The following GMDS variants were observed in gnomAD, a reference collection of about 807,000 sequenced individuals.
GMDS encodes GDP-mannose 4,6-dehydratase.
Under a neutral mutation model 49.9 loss-of-function variants are expected in GMDS, and 20 were observed. The observed-to-expected ratio is 0.40, with a 90% CI of 0.28 to 0.58. The LOEUF is 0.58. GMDS is among the 20% of genes least tolerant of loss of function. GMDS has a pLI of 0.42. For missense variants in GMDS, 362 were observed against 481.4 expected (o/e 0.75, Z 2.32); for synonymous variants, 177 against 178.6 (o/e 0.99, Z 0.07).
intron 7 of GMDS, among the ~76,000 whole-genome samples, chr6:1,880,223 G>A (rs1218088739): frequency 6.8e-6 from 1 of 147,592 alleles, no homozygotes; most frequent in African/African-American, 2.5e-5. Context: ...TGAGATGGGA[G>A]GACTGCTTGA....
intron 4 of GMDS, among the ~76,000 whole-genome samples, chr6:2,068,561 A>G (rs1268330230): frequency 1.3e-5 from 2 of 152,070 alleles, no homozygotes; most frequent in African/African-American, 2.4e-5. Flanking sequence ...AAGCAACTTC[A>G]GCAAAGTCTC....
chr6:1,794,551 C>T (rs1443373036), intron 7 of GMDS, among the ~76,000 whole-genome samples: 5 of 152,092 alleles, frequency 3.3e-5, no homozygotes, highest in African/African-American at 1.2e-4. Flanking sequence ...AATGTACTAG[C>T]CTTAGAGAAT....
At chr6:1,916,417 C>T (rs372289680) in intron 7 of GMDS, among the ~76,000 whole-genome samples, 15 of 151,730 alleles carry the variant, frequency 9.9e-5, no homozygotes, top group Non-Finnish European at 1.6e-4. Flanking sequence ...ATTCCTACCC[C>T]ACAATCTGTG....
intron 9 of GMDS, among the ~76,000 whole-genome samples, chr6:1,698,697 C>G (rs930227795): frequency 5.3e-5 from 8 of 152,082 alleles, no homozygotes; most frequent in Non-Finnish European, 7.4e-5. Flanking sequence ...TGGGGGCCAT[C>G]CGGCCCCAGT....
At position 2,171,548 on chromosome 6, in the gene GMDS, A is replaced by G. The variant is rs202111107; in HGVS notation, c.103-46817T>C. ...AACAAACACAGAATAAAGTCTGTCT[A>G]ATTTACCTATGTATCTCTAGGAAGC... is the stretch of plus-strand genomic sequence containing the variant. On this transcript the variant is annotated intron_variant, in intron 1 of 10. Coordinates refer to ENST00000380815, the MANE Select transcript of GMDS (RefSeq NM_001500.4). Among the ~76,000 whole-genome samples, 3 of 152,352 alleles carry G rather than the reference A, an allele frequency of 2.0e-5. No individual in the cohort carries two copies. The East Asian group carries it at 5.8e-4, about 29-fold the overall frequency.
At chr6:1,991,805 A>AT (rs1355552059) in intron 4 of GMDS, among the ~76,000 whole-genome samples, 3 of 152,162 alleles carry the variant, frequency 2.0e-5, no homozygotes, top group African/African-American at 7.2e-5. Flanking sequence ...TGCCGATGTA[A>AT]TTTGATAAGA....
chr6:2,219,095 T>TG (rs1277866187), intron 1 of GMDS, among the ~76,000 whole-genome samples: 5 of 151,868 alleles, frequency 3.3e-5, no homozygotes, highest in African/African-American at 1.2e-4. Flanking sequence ...AGACCCTGTG[T>TG]GAAAAACAAA....
In GMDS at chr6:1,960,821, T is replaced by C; in HGVS notation, c.491A>G (p.Glu164Gly). The change falls in exon 5 of 11, where the codon GAA becomes GGA. Residue 164 changes from glutamate (E) to glycine (G), a missense_variant. By Grantham distance (98) the Glu-to-Gly change is moderately conservative. Coordinates refer to ENST00000380815, the MANE Select transcript of GMDS (RefSeq NM_001500.4). ...STSELYGKVQEIPQKETTPFY... is the reference protein window; with the variant it reads ...STSELYGKVQGIPQKETTPFY... ...AGGGGTGGTCTCCTTCTGGGGTATT[T>C]CCTGCACTTTCCCATAAAGTTCACT... 1 of 1,610,888 alleles carries C rather than the reference T, an allele frequency of 6.2e-7. No individual in the cohort carries two copies. Among genetic ancestry groups the C allele is most frequent in the Non-Finnish European group, 8.5e-7 (1 of 1,177,382 alleles).
At chr6:1,652,397 TA>T (rs1305566322) in intron 9 of GMDS, among the ~76,000 whole-genome samples, 65 of 5,760 alleles carry the variant, frequency 0.011, 4 homozygotes, top group Non-Finnish European at 0.016. Flanking sequence ...ATATATTATA[TA>T]TATATATATA....
intron 7 of GMDS, among the ~76,000 whole-genome samples, chr6:1,837,906 G>A (rs1347296544): frequency 1.3e-5 from 2 of 152,128 alleles, no homozygotes; most frequent in South Asian, 2.1e-4. Context: ...AGGACTAGGG[G>A]GACACTGCTC....
intron 4 of GMDS, among the ~76,000 whole-genome samples, chr6:2,082,342 G>A (rs1370354863): frequency 2.6e-5 from 4 of 152,142 alleles, no homozygotes; most frequent in East Asian, 3.9e-4. Flanking sequence ...GAGGTACTGC[G>A]ACAGGGAGAC....
chr6:2,091,973 C>T (rs1361550503), intron 4 of GMDS, among the ~76,000 whole-genome samples: 1 of 151,974 alleles, frequency 6.6e-6, no homozygotes, highest in Non-Finnish European at 1.5e-5. Flanking sequence ...AAGGATAGGG[C>T]TATATGACCT....
At chr6:1,847,998 G>A (rs1757490222) in intron 7 of GMDS, among the ~76,000 whole-genome samples, 1 of 152,160 alleles carries the variant, frequency 6.6e-6, no homozygotes, top group African/African-American at 2.4e-5. Context: ...CAAACCATGG[G>A]TGCTGGAGAA....
chr6:2,123,399 C>G (rs762931069), intron 2 of GMDS, among the ~76,000 whole-genome samples: 1 of 152,186 alleles, frequency 6.6e-6, no homozygotes, highest in South Asian at 2.1e-4. Flanking sequence ...ACAAGTGCAG[C>G]GATTTCTGCT....
At chr6:1,670,184 G>A (rs941169025) in intron 9 of GMDS, among the ~76,000 whole-genome samples, 4 of 152,108 alleles carry the variant, frequency 2.6e-5, no homozygotes, top group South Asian at 2.1e-4. Context: ...CCAGCAGCTC[G>A]GGGACTTCTG....
At chr6:2,158,257 T>C (rs2127543107) in intron 1 of GMDS, among the ~76,000 whole-genome samples, 1 of 152,190 alleles carries the variant, frequency 6.6e-6, no homozygotes, top group Admixed American at 6.5e-5. Flanking sequence ...TTAAAAACAA[T>C]AGCAAAATAA....
At chr6:2,045,397 CTTT>C (rs967562066) in intron 4 of GMDS, among the ~76,000 whole-genome samples, 1 of 146,620 alleles carries the variant, frequency 6.8e-6, no homozygotes, top group East Asian at 2.0e-4. Flanking sequence ...TTTTCAGGTT[CTTT>C]TTTTTTTCCT....
At chr6:1,884,213 A>G (rs1478211509) in intron 7 of GMDS, among the ~76,000 whole-genome samples, 2 of 152,382 alleles carry the variant, frequency 1.3e-5, no homozygotes, top group East Asian at 1.9e-4. Context: ...ACAACCATTC[A>G]TTAAACTTAT....
chr6:2,091,087 A>G (rs1463286592), intron 4 of GMDS, among the ~76,000 whole-genome samples: 5 of 152,174 alleles, frequency 3.3e-5, no homozygotes, highest in Non-Finnish European at 7.3e-5. Flanking sequence ...TATAGTATGG[A>G]AGACTTCATA....
Sources: gnomAD v4.1 joint callset for allele counts (sites outside exome capture counted in the v4.1 genomes callset) on GRCh38, gnomAD v4.1.1 for gene constraint, MANE v1.5 for transcripts, NCBI Gene and HGNC (gene_info 2026-07-23, HGNC 2026-07-21) for gene names.